Variants in CERT1 observed in about 807,000 individuals in gnomAD.
CERT1 encodes the protein ceramide transfer protein.
CERT1 carries 31 observed loss-of-function variants against 87.9 expected under a neutral mutation model. That is an observed-to-expected ratio of 0.35 (90% CI 0.27 to 0.48). CERT1 has a LOEUF of 0.48. Among genes scored for constraint, CERT1 ranks in the 20% least tolerant of loss-of-function variants. The probability of loss-of-function intolerance (pLI) is 0.99; values close to 1 mark genes in which losing one functional copy is unlikely to be tolerated. For missense variants in CERT1, 487 were observed against 758.0 expected, an observed-to-expected ratio of 0.64 and a Z score of 4.20; for synonymous variants, 289 against 250.9, an observed-to-expected ratio of 1.15 and a Z score of -1.44.
intron 3 of CERT1, among the ~76,000 whole-genome samples, chr5:75,451,328 T>C (rs1391116733): frequency 6.6e-6 from 1 of 152,160 alleles, no homozygotes; most frequent in Non-Finnish European, 1.5e-5. Context: ...TCAGTTGTGA[T>C]TCTATGTACT....
At chr5:75,476,330 T>G (rs1765952442) in intron 2 of CERT1, among the ~76,000 whole-genome samples, 1 of 152,170 alleles carries the variant, frequency 6.6e-6, no homozygotes, top group African/African-American at 2.4e-5. Context: ...TTGTGATTTT[T>G]TTTTTTGCAC....
intron 2 of CERT1, 183 bp downstream of exon 2, chr5:75,505,799 A>G (rs929490815): frequency 4.7e-6 from 2 of 428,044 alleles, no homozygotes; most frequent in African/African-American, 4.1e-5. Flanking sequence ...TCTATGCAAA[A>G]TAACAATATG....
At chr5:75,496,531 G>C (rs1767077609) in intron 2 of CERT1, among the ~76,000 whole-genome samples, 1 of 152,164 alleles carries the variant, frequency 6.6e-6, no homozygotes, top group East Asian at 1.9e-4. Context: ...AATGTTTAGA[G>C]CAGCCTTATT....
Position 75,385,965 on chromosome 5 carries a change from C to T in CERT1, c.1354G>A (p.Gly452Ser). 3 of 1,597,650 alleles carry T rather than the reference C, an allele frequency of 1.9e-6. No individual in the cohort carries two copies. The highest frequency in any genetic ancestry group is 2.6e-6 in the Non-Finnish European group (3 of 1,171,744). ...DPLKATHAVKGVTGHEVCNYF... is the reference protein window; with the variant it reads ...DPLKATHAVKSVTGHEVCNYF... ...TTGCAGACTTCATGTCCTGTGACGC[C>T]TTTAACTGCATGGGTAGCTTTTAAA... Residue 452 changes from glycine (G) to serine (S), a missense_variant, in exon 13 of 17, where the codon GGC (glycine) becomes AGC (serine). Transcript: ENST00000643780.
chr5:75,446,394 T>C (rs1394129124), intron 3 of CERT1, among the ~76,000 whole-genome samples: 1 of 152,176 alleles, frequency 6.6e-6, no homozygotes, highest in African/African-American at 2.4e-5. Flanking sequence ...TTTGTTCATT[T>C]ATCTTTTTCT....
At chr5:75,510,946 G>A (rs1767941047) in intron 1 of CERT1, among the ~76,000 whole-genome samples, 166 bp downstream of exon 1, 1 of 152,096 alleles carries the variant, frequency 6.6e-6, no homozygotes. Flanking sequence ...GGGCAACAAG[G>A]ACAGTGCCCC....
rs143317974 is a variant in CERT1 at position 75,511,282 on chromosome 5, G to T, written c.-75C>A. The T allele has an allele frequency of 3.2e-6, 5 of 1,578,538 alleles. No individual in the cohort carries two copies. The highest frequency in any genetic ancestry group is 1.9e-5 in the Admixed American group (1 of 53,734). ...CCGGAGGAGGCGCCCAGTCCTCGGG[G>T]TGAAGGGTCGGGGGATGGCGAAGCG... On this transcript the variant is annotated 5_prime_UTR_variant, in exon 1 of 17. Coordinates refer to ENST00000643780, the MANE Select transcript of CERT1 (RefSeq NM_001379029.1).
intron 16 of CERT1, among the ~76,000 whole-genome samples, chr5:75,380,265 C>CT (rs761145793): frequency 2.6e-5 from 4 of 152,096 alleles, no homozygotes; most frequent in Non-Finnish European, 4.4e-5. Context: ...TAACTAGCAA[C>CT]TAATAAGGAC....
chr5:75,372,387 A>G (rs1182121741), intron 17 of CERT1: 4 of 145,646 alleles, frequency 2.7e-5, no homozygotes, highest in Non-Finnish European at 6.0e-5. Context: ...CATTTGAGGT[A>G]TAAATTTTTC....
At chr5:75,409,426 T>C (rs1031327104) in intron 8 of CERT1, among the ~76,000 whole-genome samples, 5 of 152,140 alleles carry the variant, frequency 3.3e-5, no homozygotes, top group African/African-American at 9.7e-5. Flanking sequence ...CAAGAAAAAA[T>C]TCTTCTGTTT....
At chr5:75,492,707 ATACAG>A (rs200867615) in intron 2 of CERT1, among the ~76,000 whole-genome samples, 1,854 of 152,282 alleles carry the variant, frequency 0.012, 37 homozygotes, top group African/African-American at 0.04. Context: ...AAATAGCACA[ATACAG>A]TATTTTTTAT....
chr5:75,497,893 G>A (rs1034349333), intron 2 of CERT1, among the ~76,000 whole-genome samples: 2 of 152,172 alleles, frequency 1.3e-5, no homozygotes, highest in Non-Finnish European at 2.9e-5. Context: ...GGCTGGAACA[G>A]TTTGGAGGTT....
chr5:75,404,050 A>G (rs1056259299), intron 8 of CERT1, among the ~76,000 whole-genome samples: 18 of 152,222 alleles, frequency 1.2e-4, no homozygotes, highest in Admixed American at 2.0e-4. Flanking sequence ...GTTAAAATAT[A>G]TAAAATAAGA....
chr5:75,511,720 G>T, upstream of CERT1: 1 of 1,545,792 alleles, frequency 6.5e-7, no homozygotes, highest in South Asian at 1.2e-5. Context: ...CGTCTGACGC[G>T]ACACGCCGAG....
chr5:75,459,249 C>T lies in CERT1; in HGVS notation c.232-68G>A, dbSNP rs933485438. 22 of 880,398 alleles carry T rather than the reference C, an allele frequency of 2.5e-5. No homozygotes were observed. The African/African-American group carries it at 3.6e-4, about 14-fold the overall frequency. The allele number at this position is 880,398 out of a possible 1,614,324, so 54.5% of individuals were successfully genotyped here. A position where few individuals can be genotyped will look rare whatever the true frequency, so the allele number is the denominator to read the frequency against. On this transcript the variant is annotated intron_variant, in intron 2 of 16. Transcript: ENST00000643780. ...TCCTTAGAAGTGTTACACCCCAAAG[C>T]CAAAACATGAACATACTCATTCTGT... is the stretch of plus-strand genomic sequence containing the variant.
intron 2 of CERT1, among the ~76,000 whole-genome samples, chr5:75,475,507 TC>T (rs1765916205): frequency 6.6e-6 from 1 of 152,122 alleles, no homozygotes; most frequent in Non-Finnish European, 1.5e-5. Flanking sequence ...CCTACCATTT[TC>T]TTTTCCCCTC....
rs191147106 is a variant in CERT1 at position 75,490,639 on chromosome 5, C to T, written c.231+15343G>A. 1.1e-3 allele frequency among the ~76,000 whole-genome samples: 165 copies of T among 152,100 alleles called. 2 individuals are homozygous for T. The highest frequency in any genetic ancestry group is 3.8e-3 in the African/African-American group (158 of 41,494). ...TCAGCCTCCCGAGTAGCTGGGACTA[C>T]AGGCGCCCACCACCACGCCTGGCTA... On this transcript the variant is annotated intron_variant, in intron 2 of 16. Transcript: ENST00000643780.
At position 75,381,957 on chromosome 5, in the gene CERT1, T is replaced by C; in HGVS notation, c.1609A>G (p.Ser537Gly). ...IVCNFSVDHD[S>G]APLNNRCVRA... The stretch of plus-strand genomic sequence containing the variant: ...TATATACATGTACTTACAGGAGCAC[T>C]GTCATGATCCACAGAAAAATTACAA... Residue 537 changes from serine (S) to glycine (G), a missense_variant, in exon 15 of 17, where the codon AGT becomes GGT. Ser to Gly is a moderately conservative substitution (Grantham distance 56). Transcript: ENST00000643780. 6.2e-7 allele frequency: 1 copy of C among 1,612,748 alleles called. No individual in the cohort carries two copies. The highest frequency in any genetic ancestry group is 8.5e-7 in the Non-Finnish European group (1 of 1,179,330).
downstream of CERT1, chr5:75,376,047 A>AT: frequency 6.6e-6 from 1 of 152,228 alleles, no homozygotes; most frequent in African/African-American, 2.4e-5. Flanking sequence ...CCAGAGATGA[A>AT]TTTTTTCAGA....
Sources: allele counts gnomAD v4.1 joint callset (sites outside exome capture counted in the v4.1 genomes callset), GRCh38; gene constraint gnomAD v4.1.1; transcripts MANE v1.5; gene names NCBI Gene and HGNC (gene_info 2026-07-23, HGNC 2026-07-21).